The following DPY19L1 variants were observed in gnomAD, a reference collection of about 807,000 sequenced individuals.
DPY19L1 encodes the protein dpy-19 like C-mannosyltransferase 1.
In DPY19L1, 35 loss-of-function variants were observed where a neutral mutation model predicts 96.9. That is an observed-to-expected ratio of 0.36 (90% CI 0.28 to 0.48). DPY19L1 has a LOEUF of 0.48. Ranked by LOEUF, DPY19L1 falls within the 20% of genes least tolerant of loss-of-function variation. The pLI, the probability that DPY19L1 is intolerant of heterozygous loss-of-function variation, is 0.99. For missense variants in DPY19L1, 521 were observed against 777.9 expected (o/e 0.67, Z 3.93); for synonymous variants, 205 against 252.6 (o/e 0.81, Z 1.79).
intron 6 of DPY19L1, among the ~76,000 whole-genome samples, chr7:34,991,949 TA>T (rs1163164124): frequency 6.6e-6 from 1 of 152,208 alleles, no homozygotes; most frequent in Non-Finnish European, 1.5e-5. Flanking sequence ...ACCGGGCATA[TA>T]AATATTTTTC....
intron 6 of DPY19L1, among the ~76,000 whole-genome samples, chr7:34,996,846 A>G (rs867028069): frequency 2.0e-5 from 3 of 152,156 alleles, no homozygotes; most frequent in Middle Eastern, 6.8e-3. Flanking sequence ...TGCCCTCATC[A>G]CAGTTCCTCA....
At chr7:34,964,736 A>T (rs1177802521) in intron 10 of DPY19L1, among the ~76,000 whole-genome samples, 1 of 152,224 alleles carries the variant, frequency 6.6e-6, no homozygotes, top group East Asian at 1.9e-4. Flanking sequence ...AGGAAAGAGA[A>T]GTCAGCTTAA....
At chr7:34,970,296 C>A (rs556520083) in intron 8 of DPY19L1, among the ~76,000 whole-genome samples, 2 of 152,250 alleles carry the variant, frequency 1.3e-5, no homozygotes, top group African/African-American at 4.8e-5. Flanking sequence ...TTATGACATG[C>A]CTTTCTTCAC....
At chr7:34,983,816 C>T (rs1784991637) in intron 7 of DPY19L1, among the ~76,000 whole-genome samples, 1 of 152,038 alleles carries the variant, frequency 6.6e-6, no homozygotes, top group African/African-American at 2.4e-5. Context: ...AAAAGAAGAT[C>T]TTGGCTAGAA....
intron 5 of DPY19L1, among the ~76,000 whole-genome samples, chr7:35,011,112 T>C (rs1436112878): frequency 1.3e-5 from 2 of 152,176 alleles, no homozygotes; most frequent in African/African-American, 4.8e-5. Context: ...AATTCCAGCC[T>C]TCCCAGACAT....
intron 7 of DPY19L1, among the ~76,000 whole-genome samples, chr7:34,980,876 A>AGT (rs1422753009): frequency 6.6e-6 from 1 of 152,216 alleles, no homozygotes; most frequent in Non-Finnish European, 1.5e-5. Context: ...ACTTTGGAAA[A>AGT]CAATGTGGAT....
chr7:34,972,475 G>A (rs1223064232), intron 8 of DPY19L1, among the ~76,000 whole-genome samples: 1 of 152,128 alleles, frequency 6.6e-6, no homozygotes, highest in African/African-American at 2.4e-5. Context: ...AGGAGCAGAG[G>A]TAGAAAAGCA....
rs370539967 is a variant in DPY19L1, at chr7:34,969,481, T to C, written c.966A>G (p.Val322=). 13 of 1,579,050 alleles carry C rather than the reference T, an allele frequency of 8.2e-6. No homozygotes were observed. Among genetic ancestry groups the C allele is most frequent in the Non-Finnish European group, 1.1e-5 (13 of 1,164,370 alleles). The change falls in exon 9 of 22, where the codon GTA becomes GTG. Residue 322 remains valine (V), a synonymous_variant. Coordinates refer to ENST00000638088, the MANE Select transcript of DPY19L1 (RefSeq NM_001366673.1). ...CAAACTGCCAAGGAAGCATGAAAAATACATTGGAAATGCAGAGTGCAATCA... is the reference window on the plus strand; with the variant it reads ...CAAACTGCCAAGGAAGCATGAAAAACACATTGGAAATGCAGAGTGCAATCA... ...GSLIALCISN[V]FFMLPWQFAQ...
intron 10 of DPY19L1, among the ~76,000 whole-genome samples, chr7:34,965,626 G>A (rs556258759): frequency 3.0e-4 from 45 of 152,114 alleles, no homozygotes; most frequent in African/African-American, 8.7e-4. Flanking sequence ...TTTTATGACC[G>A]TGTTTATAAC....
upstream of DPY19L1, chr7:35,037,593 C>T (rs1221514704): frequency 3.8e-6 from 1 of 262,668 alleles, no homozygotes; most frequent in Non-Finnish European, 7.1e-6. Context: ...GCAGTACCGC[C>T]GGGAGGCGGC....
intron 6 of DPY19L1, among the ~76,000 whole-genome samples, chr7:34,990,987 T>C (rs1785154293): frequency 6.6e-6 from 1 of 152,170 alleles, no homozygotes; most frequent in Admixed American, 6.5e-5. Flanking sequence ...CCAGCAGGGA[T>C]AATCCATGTA....
intron 7 of DPY19L1, among the ~76,000 whole-genome samples, chr7:34,982,110 T>C (rs1413911920): frequency 1.3e-5 from 2 of 152,172 alleles, no homozygotes; most frequent in Admixed American, 6.5e-5. Context: ...GATAAACTTT[T>C]CCAAATAAAA....
intron 4 of DPY19L1, among the ~76,000 whole-genome samples, chr7:35,012,008 A>C (rs993976774): frequency 3.9e-5 from 6 of 152,242 alleles, no homozygotes; most frequent in Admixed American, 6.5e-5. Flanking sequence ...GCCACCCCAG[A>C]TTCCCTCTTC....
In DPY19L1 at chr7:34,947,625, C is replaced by T. The variant is rs779964343; in HGVS notation, c.1494+5G>A. The T allele has an allele frequency of 1.9e-6, 3 of 1,608,734 alleles. No homozygotes were observed. Among genetic ancestry groups the T allele is most frequent in the Non-Finnish European group, 2.5e-6 (3 of 1,177,000 alleles). ...TAAGAAAGAGCTCTTAAGTGATAGA[C>T]ATACCTTTCTAACAATAGCAACAAA... On this transcript the variant is annotated splice_donor_5th_base_variant and intron_variant, in intron 15 of 21. Transcript: ENST00000638088.
intron 7 of DPY19L1, among the ~76,000 whole-genome samples, chr7:34,981,270 T>C (rs1784933470): frequency 6.6e-6 from 1 of 152,092 alleles, no homozygotes; most frequent in Non-Finnish European, 1.5e-5. Flanking sequence ...AAAAACCCTA[T>C]GCAAATATAA....
chr7:35,026,918 C>T (rs940806585), intron 1 of DPY19L1, among the ~76,000 whole-genome samples: 4 of 152,130 alleles, frequency 2.6e-5, no homozygotes, highest in Admixed American at 6.6e-5. Context: ...AGGGGTTGGC[C>T]AGGCATGGTG....
intron 6 of DPY19L1, among the ~76,000 whole-genome samples, chr7:34,994,909 T>C (rs1021712088): frequency 6.6e-6 from 1 of 151,934 alleles, no homozygotes; most frequent in Non-Finnish European, 1.5e-5. Flanking sequence ...GGCTCTGAGG[T>C]TGGACAATTT....
At chr7:35,005,230 G>C (rs536315355) in intron 6 of DPY19L1, among the ~76,000 whole-genome samples, 35 of 151,998 alleles carry the variant, frequency 2.3e-4, no homozygotes, top group Non-Finnish European at 4.3e-4. Flanking sequence ...AGGGGAGAAC[G>C]ATACAAAGAA....
chr7:35,030,626 G>A (rs1584265872), intron 1 of DPY19L1, among the ~76,000 whole-genome samples: 1 of 151,992 alleles, frequency 6.6e-6, no homozygotes, highest in South Asian at 2.1e-4. Flanking sequence ...CACAAATATG[G>A]AGAAAGATGC....
Sources: gnomAD v4.1 joint callset for allele counts (sites outside exome capture counted in the v4.1 genomes callset) on GRCh38, gnomAD v4.1.1 for gene constraint, MANE v1.5 for transcripts, NCBI Gene and HGNC (gene_info 2026-07-23, HGNC 2026-07-21) for gene names.